Variants in ADNP observed in about 807,000 individuals in gnomAD.
The protein encoded by ADNP is activity dependent neuroprotector homeobox, also known as activity-dependent neuroprotector homeobox protein.
In ADNP, 4 loss-of-function variants were observed where a neutral mutation model predicts 84.9. The observed-to-expected ratio is 0.05, with a 90% CI of 0.02 to 0.11. ADNP has a LOEUF of 0.11. Ranked by LOEUF, ADNP falls within the 10% of genes least tolerant of loss-of-function variation. The pLI is 1.00. For missense variants in ADNP, 1,132 were observed against 1,326.0 expected (o/e 0.85, Z 2.27); for synonymous variants, 554 against 468.1 (o/e 1.18, Z -2.37).
intron 5 of ADNP, 54 bp from the exon 6 acceptor site, chr20:50,894,566 C>A (rs781046740): frequency 1.4e-5 from 21 of 1,515,022 alleles, no homozygotes; most frequent in Admixed American, 2.2e-5. Context: ...AGGCAGTTAA[C>A]AGATTCCAGA....
chr20:50,892,182 C>A lies in ADNP; in HGVS notation c.2532G>T (p.Trp844Cys). The A allele has an allele frequency of 1.2e-6, 2 of 1,614,116 alleles. No individual in the cohort carries two copies. Among genetic ancestry groups the A allele is most frequent in the Non-Finnish European group, 1.7e-6 (2 of 1,180,034 alleles). Residue 844 changes from tryptophan to cysteine, a missense_variant, in exon 6 of 6, where the codon TGG (tryptophan) becomes TGT (cysteine). Transcript: ENST00000621696. ...VKHEMDFDAEWLFENHDEKDS... is the reference protein window; with the variant it reads ...VKHEMDFDAECLFENHDEKDS... ...CCTTCTCATCATGATTTTCAAATAG[C>A]CACTCAGCATCAAAATCCATCTCAT...
chr20:50,905,707 A>C (rs1982411328), intron 2 of ADNP: 1 of 152,232 alleles, frequency 6.6e-6, no homozygotes, highest in Non-Finnish European at 1.5e-5. Context: ...ATTGCTGCTC[A>C]CTATGAAGCA....
intron 4 of ADNP, among the ~76,000 whole-genome samples, chr20:50,902,567 T>G (rs1022415994): frequency 6.6e-6 from 1 of 152,104 alleles, no homozygotes; most frequent in Admixed American, 6.6e-5. Context: ...AAAACTCAAA[T>G]TTCAAACCCA....
intron 2 of ADNP, among the ~76,000 whole-genome samples, chr20:50,920,139 TGG>T (rs1193363719): frequency 2.4e-4 from 35 of 147,374 alleles, no homozygotes; most frequent in African/African-American, 8.6e-4. Context: ...TAGCCGGGCG[TGG>T]TGGTGTGCGC....
At chr20:50,929,175 G>GT (rs1290018980) in intron 1 of ADNP, among the ~76,000 whole-genome samples, 1 of 152,176 alleles carries the variant, frequency 6.6e-6, no homozygotes, top group African/African-American at 2.4e-5. Context: ...CCCCAAACCT[G>GT]TTACTTTGTT....
chr20:50,927,015 TCA>T (rs1467334251), intron 2 of ADNP, among the ~76,000 whole-genome samples: 2 of 152,182 alleles, frequency 1.3e-5, no homozygotes. Context: ...AGCAACAACT[TCA>T]CATAGTATGC....
At chr20:50,897,429 C>CCT (rs147211510) in intron 5 of ADNP, among the ~76,000 whole-genome samples, 76,928 of 151,946 alleles carry the variant, frequency 0.51, 23,242 homozygotes, top group African/African-American at 0.86. Context: ...TCTAGGAGCT[C>CCT]CTGTTGTCCT....
In ADNP at chr20:50,889,625, T is replaced by TG. The variant is rs1980445705; in HGVS notation, c.*1779dup. On this transcript the variant is annotated 3_prime_UTR_variant, in exon 6 of 6. Transcript: ENST00000621696. ...CTTTTGGAAACAGACTCAGAAGTTATGGACATCAGCCACTTCAGACTTCTT... is the reference window on the plus strand; with the variant it reads ...CTTTTGGAAACAGACTCAGAAGTTATGGGACATCAGCCACTTCAGACTTCTT... 1 of 366,104 alleles carries TG rather than the reference T, an allele frequency of 2.7e-6. No homozygotes were observed. Among genetic ancestry groups the TG allele is most frequent in the South Asian group, 1.5e-4 (1 of 6,744 alleles). 22.7% of individuals were successfully genotyped at this position (366,104 alleles called of 1,614,324 possible). A position where few individuals can be genotyped will look rare whatever the true frequency, so the allele number is the denominator to read the frequency against.
chr20:50,930,743 C>A (rs1247788874), intron 1 of ADNP, 83 bp downstream of exon 1: 4 of 151,090 alleles, frequency 2.6e-5, no homozygotes, highest in African/African-American at 4.9e-5. Context: ...CGGGGCCAGG[C>A]TGCACTGGCG....
At position 50,893,470 on chromosome 20, in the gene ADNP, G is replaced by A; in HGVS notation, c.1244C>T (p.Ser415Leu). 6.2e-7 allele frequency: 1 copy of A among 1,614,006 alleles called. No individual in the cohort carries two copies. The highest frequency in any genetic ancestry group is 1.1e-5 in the South Asian group (1 of 91,066). Residue 415 changes from serine (S) to leucine (L), a missense_variant, in exon 6 of 6, where the codon TCA (serine) becomes TTA (leucine). Transcript: ENST00000621696. This position sits in a 1 kb window ranked among gnomAD's most constrained non-coding sequence, Gnocchi z 4.4. ...GQLKSPSLSQ[S>L]QASRVLGQSS... ...CTGACCTAACACTCTGGATGCCTGT[G>A]ACTGAGAGAGGGAAGGAGACTTTAA... is the stretch of plus-strand genomic sequence containing the variant.
rs6020845 is a variant in ADNP at position 50,915,632 on chromosome 20, C to T, written c.-89-10783G>A. Among the ~76,000 whole-genome samples, 280 of 152,264 alleles carry T rather than the reference C, an allele frequency of 1.8e-3. 1 individual carries two copies. Among genetic ancestry groups the T allele is most frequent in the African/African-American group, 6.5e-3 (271 of 41,538 alleles). ...CCTCCTCCTTTTCCTCCCCTCCCTC[C>T]CCAATCCACAAAACACGTAATTCTG... is the stretch of plus-strand genomic sequence containing the variant. On this transcript the variant is annotated intron_variant, in intron 2 of 5. Coordinates refer to ENST00000621696, the MANE Select transcript of ADNP (RefSeq NM_001282531.3).
rs148502910 is a variant in ADNP, at chr20:50,892,239, C to A, written c.2475G>T (p.Gly825=). 5.3e-3 allele frequency: 8,552 copies of A among 1,614,120 alleles called. 40 individuals are homozygous for A. The highest frequency in any genetic ancestry group is 5.4e-3 in the Non-Finnish European group (6,413 of 1,180,038). ...CEKYKPGVLL[G]FNMKELNKVK... ...CTTTATTTAATTCTTTCATGTTAAA[C>A]CCCAGCAACACGCCAGGCTTGTACT... The change falls in exon 6 of 6, where the codon GGG becomes GGT. Residue 825 remains glycine, a synonymous_variant. Transcript: ENST00000621696.
Position 50,892,119 on chromosome 20 carries a change from C to G in ADNP, c.2595G>C (p.Lys865Asn). Residue 865 changes from lysine (K) to asparagine (N), a missense_variant, in exon 6 of 6, where the codon AAG (lysine) becomes AAC (asparagine). Physicochemically the swap from Lys to Asn is moderately conservative, Grantham distance 94 (BLOSUM62 0). Coordinates refer to ENST00000621696, the MANE Select transcript of ADNP (RefSeq NM_001282531.3). ...TGTCATCTTCCTTCCCAAGGTTGAG[C>G]TTTTTGTCAGCAGTCTTACTAGCAT... ...RVNASKTADK[K>N]LNLGKEDDSS... 1 of 1,614,108 alleles carries G rather than the reference C, an allele frequency of 6.2e-7. No homozygotes were observed. Among genetic ancestry groups the G allele is most frequent in the Non-Finnish European group, 8.5e-7 (1 of 1,180,022 alleles).
At chr20:50,919,311 A>T (rs866393874) in intron 2 of ADNP, among the ~76,000 whole-genome samples, 87 of 146,368 alleles carry the variant, frequency 5.9e-4, no homozygotes, top group South Asian at 1.9e-3. Context: ...ATATATATAT[A>T]TATATGTAAA....
At position 50,894,429 on chromosome 20, in the gene ADNP, A is replaced by G. The variant is rs781020957; in HGVS notation, c.285T>C (p.Asn95=). 8.7e-6 allele frequency: 14 copies of G among 1,613,672 alleles called. No individual in the cohort carries two copies. In the East Asian group the frequency reaches 8.9e-5, roughly 10 times the overall value. ...TATTTTCAAAGTCTTCACTATGGAC[A>G]TTGCGGAAATGACTTTTGTAGGCAG... ...FFSAYKSHFR[N]VHSEDFENRI... The change falls in exon 6 of 6, where the codon AAT becomes AAC. Residue 95 remains asparagine (N), a synonymous_variant. Coordinates refer to ENST00000621696, the MANE Select transcript of ADNP (RefSeq NM_001282531.3).
At chr20:50,920,262 CAAAAAAAAAAAA>C (rs56181933) in intron 2 of ADNP, among the ~76,000 whole-genome samples, 50 of 64,556 alleles carry the variant, frequency 7.7e-4, no homozygotes, top group Middle Eastern at 0.016. Context: ...ATTCCACCTC[CAAAAAAAAAAAA>C]AAAAAAAAAA....
intron 5 of ADNP, among the ~76,000 whole-genome samples, chr20:50,900,854 G>T (rs1435958615): frequency 6.6e-6 from 1 of 152,138 alleles, no homozygotes; most frequent in Admixed American, 6.5e-5. Flanking sequence ...TTGAAAAGTT[G>T]GCTTTCTTCT....
Position 50,889,830 on chromosome 20 carries a change from CCTGTCAGTG to C in ADNP, c.*1566_*1574del, listed in dbSNP as rs1415654034. On this transcript the variant is annotated 3_prime_UTR_variant, in exon 6 of 6. Transcript: ENST00000621696. Reference sequence around the variant, plus strand: ...TACCAGCTCCTTCCATCTTTACAGCCCTGTCAGTGCTGTGCTCTTCAAAGCCTTTCCCTT... The same window carrying C: ...TACCAGCTCCTTCCATCTTTACAGCCCTGTGCTCTTCAAAGCCTTTCCCTT... 1.0e-5 allele frequency: 4 copies of C among 398,368 alleles called. No homozygotes were observed. The highest frequency in any genetic ancestry group is 6.2e-4 in the Middle Eastern group (1 of 1,608). 24.7% of individuals were successfully genotyped at this position (398,368 alleles called of 1,614,324 possible).
In ADNP at chr20:50,893,727, C is replaced by G; in HGVS notation, c.987G>C (p.Gln329His). 1.2e-6 allele frequency: 2 copies of G among 1,614,132 alleles called. No individual in the cohort carries two copies. The highest frequency in any genetic ancestry group is 1.1e-5 in the South Asian group (1 of 91,076). ...VNMMSSVHLQ[Q>H]NNYGVKSVGQ... is the part of the protein sequence containing the mutation. ...CTACAGATTTGACTCCATAGTTGTT[C>G]TGCTGCAGATGAACACTGGACATCA... is the stretch of plus-strand genomic sequence containing the variant. Residue 329 changes from glutamine (Q) to histidine (H), a missense_variant, in exon 6 of 6, where the codon CAG (glutamine) becomes CAC (histidine). Gln to His is a conservative substitution (Grantham distance 24). This residue lies in a region of ADNP where 239 missense variants were observed against 213.2 expected (regional missense o/e 1.12). Transcript: ENST00000621696. The surrounding 1 kb of genome is among the most constrained non-coding windows in gnomAD (Gnocchi z 4.4).
Sources: allele counts gnomAD v4.1 joint callset (sites outside exome capture counted in the v4.1 genomes callset), GRCh38; gene constraint gnomAD v4.1.1; regional missense constraint gnomAD v4.1.1; non-coding constraint Gnocchi (gnomAD v3.1); transcripts MANE v1.5; gene names NCBI Gene and HGNC (gene_info 2026-07-23, HGNC 2026-07-21).